The following TNXB variants were observed in gnomAD, a reference collection of about 807,000 sequenced individuals.
TNXB encodes tenascin-X.
In TNXB, 183 loss-of-function variants were observed where a neutral mutation model predicts 340.5. The ratio of observed to expected loss-of-function variants is 0.54; its 90% confidence interval spans 0.48 to 0.61. The LOEUF (loss-of-function observed/expected upper bound fraction) is 0.61. TNXB is among the 20% of genes least tolerant of loss of function. The pLI, the probability that TNXB is intolerant of heterozygous loss-of-function variation, is 0.00. For synonymous variants in TNXB, 2,121 were observed against 2,314.5 expected (o/e 0.92, Z 2.40); for missense variants, 4,613 against 5,446.4 (o/e 0.85, Z 4.82).
In TNXB at chr6:32,070,476, G is replaced by A; in HGVS notation, c.4991-62C>T. ...AACGACTCCTTGACTGCCTCCCTCT[G>A]GGGCTGGAAAAACCCAGAACTGCCC... On this transcript the variant is annotated intron_variant, in intron 13 of 43. Coordinates refer to ENST00000644971, the MANE Select transcript of TNXB (RefSeq NM_001365276.2). This position sits in a 1 kb window ranked among gnomAD's most constrained non-coding sequence, Gnocchi z 6.0. The A allele has an allele frequency of 6.8e-7, 1 of 1,469,358 alleles. No individual in the cohort carries two copies. Among genetic ancestry groups the A allele is most frequent in the South Asian group, 1.4e-5 (1 of 69,748 alleles). 91.0% of individuals were successfully genotyped at this position (1,469,358 alleles called of 1,614,324 possible).
In TNXB at chr6:32,095,949, C is replaced by T. The variant is rs1159470692; in HGVS notation, c.1904G>A (p.Arg635His). 6.2e-7 allele frequency: 1 copy of T among 1,612,978 alleles called. No individual in the cohort carries two copies. The highest frequency in any genetic ancestry group is 1.1e-5 in the South Asian group (1 of 91,062). ...GGTGTAGCCTGGGTCGCACAGGCAG[C>T]GCCCTTCCTCACAGCGGCCCCTCCC... ...CHGRGRCEEG[R>H]CLCDPGYTGP... The change falls in exon 3 of 44, where the codon CGC becomes CAC. Residue 635 changes from arginine (R) to histidine (H), a missense_variant. Physicochemically the swap from Arg to His is conservative, Grantham distance 29 (BLOSUM62 0). Coordinates refer to ENST00000644971, the MANE Select transcript of TNXB (RefSeq NM_001365276.2).
rs765827583 is a variant in TNXB at position 32,070,202 on chromosome 6, G to A, written c.5203C>T (p.Arg1735Cys). 11 of 1,612,052 alleles carry A rather than the reference G, an allele frequency of 6.8e-6. No individual in the cohort carries two copies. The highest frequency in any genetic ancestry group is 6.7e-5 in the African/African-American group (5 of 74,884). The stretch of plus-strand genomic sequence containing the variant: ...CCATAGAGGAGGAATCTGTACTTGC[G>A]GCCGGCATCCAGAGGGGTGACAGTG... ...SVTVTPLDAG[R>C]KYRFLLYGLL... Residue 1735 changes from arginine to cysteine, a missense_variant, in exon 14 of 44, where the codon CGC (arginine) becomes TGC (cysteine). Arg to Cys is a radical substitution (Grantham distance 180). Around this residue, in one of 7 missense-constraint regions of TNXB, gnomAD observed 4,327 missense variants for 4,859.4 expected, o/e 0.89. Coordinates refer to ENST00000644971, the MANE Select transcript of TNXB (RefSeq NM_001365276.2). The surrounding 1 kb of genome is among the most constrained non-coding windows in gnomAD (Gnocchi z 6.0).
At chr6:32,055,577 G>C (rs1396770579) in intron 24 of TNXB, among the ~76,000 whole-genome samples, 2 of 152,132 alleles carry the variant, frequency 1.3e-5, no homozygotes, top group African/African-American at 4.8e-5. Flanking sequence ...CTCTTCAACA[G>C]ATTTCAAAAG....
At chr6:32,057,785 T>A (rs771668987) in intron 22 of TNXB, among the ~76,000 whole-genome samples, 3 of 152,206 alleles carry the variant, frequency 2.0e-5, no homozygotes, top group Non-Finnish European at 4.4e-5. Flanking sequence ...TGGCCTCAGG[T>A]CCTGGCTGTC....
rs190855421 is a variant in TNXB at position 32,048,646 on chromosome 6, G to A, written c.9762C>T (p.Pro3254=). ...GPVSTVGITA[P]LPTPLPVEPR... is the part of the protein sequence containing the mutation. ...GCTCCACCGGCAGTGGTGTGGGCAGGGGCGCTGAAAAGAGCAGAGCAGGCC... is the reference window on the plus strand; with the variant it reads ...GCTCCACCGGCAGTGGTGTGGGCAGAGGCGCTGAAAAGAGCAGAGCAGGCC... Residue 3254 remains proline (P), a synonymous_variant, in exon 29 of 44, where the codon CCC becomes CCT. Transcript: ENST00000644971. 2.6e-4 allele frequency: 386 copies of A among 1,479,866 alleles called. 5 individuals carry two copies. The East Asian group carries it at 8.6e-3, about 33-fold the overall frequency. The allele number at this position is 1,479,866 out of a possible 1,614,324, so 91.7% of individuals were successfully genotyped here.
chr6:32,053,590 G>A lies in TNXB; in HGVS notation c.8589C>T (p.Ser2863=). The part of the protein sequence containing the change: ...TDATPDSLSL[S]WMVPEGQFDH... ...CAAACTGGCCCTCGGGGACCATCCA[G>A]GACAGGCTGAGGGAGTCAGGGGTGG... The change falls in exon 25 of 44, where the codon TCC becomes TCT. Residue 2863 remains serine (S), a synonymous_variant. Transcript: ENST00000644971. The A allele has an allele frequency of 6.2e-7, 1 of 1,613,680 alleles. No individual in the cohort carries two copies.
rs376269684 is a variant in TNXB, at chr6:32,057,911, G to T, written c.7825+147C>A. 32 of 1,087,350 alleles carry T rather than the reference G, an allele frequency of 2.9e-5. No individual in the cohort carries two copies. In the East Asian group the frequency reaches 3.5e-4, roughly 12 times the overall value. The allele number at this position is 1,087,350 out of a possible 1,614,324, so 67.4% of individuals were successfully genotyped here. On this transcript the variant is annotated intron_variant, in intron 22 of 43. Coordinates refer to ENST00000644971, the MANE Select transcript of TNXB (RefSeq NM_001365276.2). Reference sequence around the variant, plus strand: ...TGCTTCATTTGCTGGATTGCAGCCTGTCTCTCCATGACATGTCTTTCCATA... The same window carrying T: ...TGCTTCATTTGCTGGATTGCAGCCTTTCTCTCCATGACATGTCTTTCCATA...
In TNXB at chr6:32,067,982, C is replaced by T; in HGVS notation, c.6223G>A (p.Ala2075Thr). Residue 2075 changes from alanine to threonine, a missense_variant and splice_region_variant, in exon 18 of 44, where the codon GCA (alanine) becomes ACA (threonine). Around this residue, in one of 7 missense-constraint regions of TNXB, gnomAD observed 4,327 missense variants for 4,859.4 expected, o/e 0.89. Coordinates refer to ENST00000644971, the MANE Select transcript of TNXB (RefSeq NM_001365276.2). The surrounding 1 kb of genome is among the most constrained non-coding windows in gnomAD (Gnocchi z 4.2). ...GPVSVVGVTA[A>T]EEETPSPTEP... ...GTGGGGCTGGGGGTCTCTTCCTCTGCAGCTGAGAAGGAGGAAGAGAGAGTG... is the reference window on the plus strand; with the variant it reads ...GTGGGGCTGGGGGTCTCTTCCTCTGTAGCTGAGAAGGAGGAAGAGAGAGTG... 6.2e-7 allele frequency: 1 copy of T among 1,610,106 alleles called. No homozygotes were observed. Among genetic ancestry groups the T allele is most frequent in the Non-Finnish European group, 8.5e-7 (1 of 1,178,126 alleles).
At position 32,098,002 on chromosome 6, in the gene TNXB, C is replaced by G. The variant is rs200569294; in HGVS notation, c.197G>C (p.Gly66Ala). ...SSQLYEHTVE[G>A]GEKQVVFTHR... is the part of the protein sequence containing the mutation. ...GGTGAATACCACCTGCTTCTCCCCT[C>G]CTTCCACTGTGTGCTCGTAAAGCTG... Residue 66 changes from glycine to alanine, a missense_variant, in exon 2 of 44, where the codon GGA becomes GCA. Physicochemically the swap from Gly to Ala is moderately conservative, Grantham distance 60 (BLOSUM62 0). Transcript: ENST00000644971. The G allele has an allele frequency of 7.2e-5, 116 of 1,607,478 alleles. No individual in the cohort carries two copies. Among genetic ancestry groups the G allele is most frequent in the African/African-American group, 5.5e-4 (41 of 75,052 alleles).
chr6:32,098,820 C>G (rs1477047143), intron 1 of TNXB, among the ~76,000 whole-genome samples: 1 of 152,188 alleles, frequency 6.6e-6, no homozygotes, highest in African/African-American at 2.4e-5. Flanking sequence ...ACTACAAGCT[C>G]TCACTACTCC....
Position 32,087,616 on chromosome 6 carries a change from C to A in TNXB, c.2779+1169G>T. The A allele has an allele frequency of 8.5e-5, 2 of 23,564 alleles. No individual in the cohort carries two copies. The highest frequency in any genetic ancestry group is 6.3e-3 in the East Asian group (1 of 160). The allele number at this position is 23,564 out of a possible 1,614,324, so 1.5% of individuals were successfully genotyped here. On this transcript the variant is annotated intron_variant, in intron 6 of 43. Transcript: ENST00000644971. The surrounding 1 kb of genome is among the most constrained non-coding windows in gnomAD (Gnocchi z 9.0). ...GCCGGGATCAGGGCTGGCGGTGGGGCGGGGGTGGCGGGGCGGGGGTGCGGG... is the reference window on the plus strand; with the variant it reads ...GCCGGGATCAGGGCTGGCGGTGGGGAGGGGGTGGCGGGGCGGGGGTGCGGG...
At position 32,046,327 on chromosome 6, in the gene TNXB, T is replaced by A; in HGVS notation, c.10454A>T (p.Asp3485Val). The change falls in exon 31 of 44, where the codon GAC becomes GTC. Residue 3485 changes from aspartate to valine, a missense_variant. Asp to Val is a radical substitution (Grantham distance 152). Coordinates refer to ENST00000644971, the MANE Select transcript of TNXB (RefSeq NM_001365276.2). This position sits in a 1 kb window ranked among gnomAD's most constrained non-coding sequence, Gnocchi z 6.9. The stretch of plus-strand genomic sequence containing the variant: ...CACTGCCCTGGGCTGCCCGTCCGTG[T>A]CCCTGTACTGGACCACGAAGGAGTC... ...PFDSFVVQYR[D>V]TDGQPRAVPV... The A allele has an allele frequency of 1.2e-6, 2 of 1,606,556 alleles. No homozygotes were observed. The highest frequency in any genetic ancestry group is 1.7e-6 in the Non-Finnish European group (2 of 1,178,044).
intron 1 of TNXB, among the ~76,000 whole-genome samples, chr6:32,105,478 AC>A (rs1408267967): frequency 6.6e-6 from 1 of 152,162 alleles, no homozygotes; most frequent in Non-Finnish European, 1.5e-5. Flanking sequence ...CAGGCATGGC[AC>A]CTATTTTTTT....
Position 32,052,593 on chromosome 6 carries a change from G to A in TNXB, c.9115+77C>T. Reference sequence around the variant, plus strand: ...AAGGAAGGAATACTCTTCAGAGTATGTTTTCACGAAGACTGGAGAGACAGC... The same window carrying A: ...AAGGAAGGAATACTCTTCAGAGTATATTTTCACGAAGACTGGAGAGACAGC... On this transcript the variant is annotated intron_variant, in intron 26 of 43. Transcript: ENST00000644971. The surrounding 1 kb of genome is among the most constrained non-coding windows in gnomAD (Gnocchi z 4.7). 1 of 1,553,744 alleles carries A rather than the reference G, an allele frequency of 6.4e-7. No individual in the cohort carries two copies. Among genetic ancestry groups the A allele is most frequent in the African/African-American group, 1.4e-5 (1 of 73,566 alleles).
rs761498176 is a variant in TNXB, at chr6:32,097,983, T to C, written c.216A>G (p.Val72=). The change falls in exon 2 of 44, where the codon GTA becomes GTG. Residue 72 remains valine, a synonymous_variant. Transcript: ENST00000644971. This position sits in a 1 kb window ranked among gnomAD's most constrained non-coding sequence, Gnocchi z 5.9. ...GGGGCAGGTTAATGCGGTGGGTGAA[T>C]ACCACCTGCTTCTCCCCTCCTTCCA... ...HTVEGGEKQV[V]FTHRINLPPS... 1.2e-6 allele frequency: 2 copies of C among 1,607,092 alleles called. No homozygotes were observed. Among genetic ancestry groups the C allele is most frequent in the South Asian group, 1.1e-5 (1 of 89,520 alleles).
chr6:32,108,186 G>A lies in TNXB; in HGVS notation c.-9+995C>T, dbSNP rs1312282560. Among the ~76,000 whole-genome samples the A allele has an allele frequency of 6.6e-6, 1 of 152,182 alleles. No individual in the cohort carries two copies. Among genetic ancestry groups the A allele is most frequent in the Non-Finnish European group, 1.5e-5 (1 of 68,030 alleles). On this transcript the variant is annotated intron_variant, in intron 1 of 43. Transcript: ENST00000644971. The surrounding 1 kb of genome is among the most constrained non-coding windows in gnomAD (Gnocchi z 4.8). ...GGGTCAGGGAAAAGAGGAGGGGCTG[G>A]AGATGCGGGAAGCAGGGGCAGGGCA... is the stretch of plus-strand genomic sequence containing the variant.
In TNXB at chr6:32,067,965, G is replaced by A; in HGVS notation, c.6240C>T (p.Pro2080=). ...VGVTAAEEET[P]SPTEPSMEAP... ...CCTCCATGCTGGGTTCTGTGGGGCTGGGGGTCTCTTCCTCTGCAGCTGAGA... is the reference window on the plus strand; with the variant it reads ...CCTCCATGCTGGGTTCTGTGGGGCTAGGGGTCTCTTCCTCTGCAGCTGAGA... The change falls in exon 18 of 44, where the codon CCC becomes CCT. Residue 2080 remains proline, a synonymous_variant. Coordinates refer to ENST00000644971, the MANE Select transcript of TNXB (RefSeq NM_001365276.2). This position sits in a 1 kb window ranked among gnomAD's most constrained non-coding sequence, Gnocchi z 4.2. 6.2e-7 allele frequency: 1 copy of A among 1,611,796 alleles called. No homozygotes were observed. Among genetic ancestry groups the A allele is most frequent in the Non-Finnish European group, 8.5e-7 (1 of 1,179,292 alleles).
intron 23 of TNXB, among the ~76,000 whole-genome samples, 181 bp downstream of exon 23, chr6:32,056,405 C>T (rs1777644911): frequency 6.6e-6 from 1 of 152,146 alleles, no homozygotes; most frequent in Non-Finnish European, 1.5e-5. Flanking sequence ...CTCCTGATGG[C>T]CCCTCCCTGC....
intron 1 of TNXB, among the ~76,000 whole-genome samples, chr6:32,100,136 G>C (rs1208668429): frequency 6.7e-6 from 1 of 148,292 alleles, no homozygotes; most frequent in African/African-American, 2.5e-5. Context: ...ACTGAGTCTT[G>C]CTCTGTCGCC....
Sources: allele counts gnomAD v4.1 joint callset (sites outside exome capture counted in the v4.1 genomes callset), GRCh38; gene constraint gnomAD v4.1.1; regional missense constraint gnomAD v4.1.1; non-coding constraint Gnocchi (gnomAD v3.1); transcripts MANE v1.5; gene names NCBI Gene and HGNC (gene_info 2026-07-23, HGNC 2026-07-21).